ADSS2: variants seen among roughly 807,000 people sequenced by gnomAD.
The protein encoded by ADSS2 is adenylosuccinate synthetase isozyme 2.
ADSS2 carries 30 observed loss-of-function variants against 60.0 expected under a neutral mutation model. The ratio of observed to expected loss-of-function variants is 0.50; its 90% confidence interval spans 0.37 to 0.68. ADSS2 has a LOEUF of 0.68. Among genes scored for constraint, ADSS2 ranks in the 30% least tolerant of loss-of-function variants. ADSS2 has a pLI of 0.00. For missense variants in ADSS2, 373 were observed against 554.8 expected (o/e 0.67, Z 3.29); for synonymous variants, 187 against 193.1 (o/e 0.97, Z 0.26).
chr1:244,439,000 T>C (rs535277866), intron 1 of ADSS2, among the ~76,000 whole-genome samples: 5 of 152,280 alleles, frequency 3.3e-5, no homozygotes, highest in African/African-American at 1.2e-4. Context: ...CTAACTATAT[T>C]TGTATACCCA....
At position 244,419,063 on chromosome 1, in the gene ADSS2, C is replaced by T. The variant is rs997483571; in HGVS notation, c.791-149G>A. 68 of 740,982 alleles carry T rather than the reference C, an allele frequency of 9.2e-5. No individual in the cohort carries two copies. In the Middle Eastern group the frequency reaches 1.2e-3, roughly 13 times the overall value. 45.9% of individuals were successfully genotyped at this position (740,982 alleles called of 1,614,324 possible). A position where few individuals can be genotyped will look rare whatever the true frequency, so the allele number is the denominator to read the frequency against. ...GCCCTCTCAAAGACTCAGTGTTTTA[C>T]TTTTTATTCATTTTAGCTGTAATGA... On this transcript the variant is annotated intron_variant, in intron 8 of 12. Coordinates refer to ENST00000366535, the MANE Select transcript of ADSS2 (RefSeq NM_001126.5).
chr1:244,414,422 C>T (rs1572128500), intron 11 of ADSS2, among the ~76,000 whole-genome samples: 1 of 152,202 alleles, frequency 6.6e-6, no homozygotes, highest in Non-Finnish European at 1.5e-5. Flanking sequence ...AAAAATTCAC[C>T]AGTGGGTTTA....
chr1:244,435,194 A>AAAAAAC lies in ADSS2; in HGVS notation c.355+1630_355+1631insGTTTTT, dbSNP rs1553308065. Among the ~76,000 whole-genome samples the AAAAAAC allele has an allele frequency of 2.0e-4, 25 of 127,900 alleles. 1 individual carries two copies. The highest frequency in any genetic ancestry group is 7.4e-4 in the African/African-American group (23 of 31,132). The allele number at this position is 127,900 out of a possible 152,430, so 83.9% of individuals were successfully genotyped here. ...AAAAAAAAAAAAAAAAAAAAAAAAAAAAACAAACCTGAACATACTATAACA... is the reference window on the plus strand; with the variant it reads ...AAAAAAAAAAAAAAAAAAAAAAAAAAAAAAACAAACAAACCTGAACATACTATAACA... On this transcript the variant is annotated intron_variant, in intron 3 of 12. Coordinates refer to ENST00000366535, the MANE Select transcript of ADSS2 (RefSeq NM_001126.5).
chr1:244,430,366 G>A (rs1311098485), intron 4 of ADSS2, among the ~76,000 whole-genome samples: 1 of 152,082 alleles, frequency 6.6e-6, no homozygotes, highest in Non-Finnish European at 1.5e-5. Flanking sequence ...ACAGGAACAG[G>A]GATATGTCTC....
chr1:244,414,153 C>T (rs1019347562), intron 11 of ADSS2, among the ~76,000 whole-genome samples: 1 of 148,900 alleles, frequency 6.7e-6, no homozygotes, highest in Non-Finnish European at 1.5e-5. Flanking sequence ...ATAACAGAAT[C>T]TGAGTCTCTT....
At chr1:244,438,092 G>A (rs1431501990) in intron 1 of ADSS2, among the ~76,000 whole-genome samples, 2 of 152,098 alleles carry the variant, frequency 1.3e-5, no homozygotes, top group East Asian at 3.8e-4. Flanking sequence ...TTTGGCTATG[G>A]AGGATTATGG....
In ADSS2 at chr1:244,451,192, G is replaced by A. The variant is rs977688007; in HGVS notation, c.183+443C>T. ...ACTCCCACTCCGCCGCCCTGGGCGG[G>A]GCGGGGGGGCGGTGATGGGGGGTTC... On this transcript the variant is annotated intron_variant, in intron 1 of 12. Transcript: ENST00000366535. This position sits in a 1 kb window ranked among gnomAD's most constrained non-coding sequence, Gnocchi z 6.6. 1.3e-5 allele frequency among the ~76,000 whole-genome samples: 2 copies of A among 152,146 alleles called. No individual in the cohort carries two copies. The highest frequency in any genetic ancestry group is 1.3e-4 in the Admixed American group (2 of 15,282).
chr1:244,424,160 GT>G (rs761649478), intron 5 of ADSS2, 100 bp from the exon 6 acceptor site: 1,504 of 1,203,346 alleles, frequency 1.2e-3, no homozygotes, highest in Non-Finnish European at 1.6e-3. Context: ...ACTATTTTCT[GT>G]TTATGTTATT....
intron 1 of ADSS2, among the ~76,000 whole-genome samples, chr1:244,439,599 G>C (rs1265336244): frequency 2.0e-5 from 3 of 152,072 alleles, no homozygotes; most frequent in African/African-American, 7.2e-5. Flanking sequence ...GCTGCATGCT[G>C]TGCTGCCTGC....
chr1:244,412,520 G>A (rs1208831195), intron 11 of ADSS2, among the ~76,000 whole-genome samples: 1 of 152,172 alleles, frequency 6.6e-6, no homozygotes, highest in African/African-American at 2.4e-5. Context: ...ACTGAGATTC[G>A]AGCACGGTGG....
rs765386619 is a variant in ADSS2, at chr1:244,451,799, A to C, written c.19T>G (p.Tyr7Asp). The C allele has an allele frequency of 2.4e-5, 38 of 1,592,516 alleles. No individual in the cohort carries two copies. Among genetic ancestry groups the C allele is most frequent in the Middle Eastern group, 3.9e-4 (2 of 5,090 alleles). MAFAET[Y>D]PAASSLPNGD... ...TTGGGCAGGGAGGATGCCGCCGGGT[A>C]GGTCTCGGCGAACGCCATGGCTCCA... Residue 7 changes from tyrosine (Y) to aspartate (D), a missense_variant, in exon 1 of 13, where the codon TAC (tyrosine) becomes GAC (aspartate). Transcript: ENST00000366535. The surrounding 1 kb of genome is among the most constrained non-coding windows in gnomAD (Gnocchi z 6.6).
At chr1:244,450,163 T>C (rs1665500101) in intron 1 of ADSS2, among the ~76,000 whole-genome samples, 2 of 152,218 alleles carry the variant, frequency 1.3e-5, no homozygotes, top group Admixed American at 1.3e-4. Flanking sequence ...CCCCACAGCA[T>C]GACCAGATCT....
chr1:244,415,969 A>C lies in ADSS2; in HGVS notation c.1168+12T>G. 2 of 1,578,010 alleles carry C rather than the reference A, an allele frequency of 1.3e-6. No individual in the cohort carries two copies. The highest frequency in any genetic ancestry group is 1.7e-6 in the Non-Finnish European group (2 of 1,149,020). ...TTATAATATCCTTTAGATATTGCCT[A>C]AAAGAAAATACCTGGGATATGAGGT... On this transcript the variant is annotated intron_variant, in intron 11 of 12. Coordinates refer to ENST00000366535, the MANE Select transcript of ADSS2 (RefSeq NM_001126.5).
At chr1:244,420,470 G>C (rs1218405752) in intron 7 of ADSS2, among the ~76,000 whole-genome samples, 174 bp from the exon 8 acceptor site, 1 of 137,358 alleles carries the variant, frequency 7.3e-6, no homozygotes, top group African/African-American at 2.8e-5. Flanking sequence ...CATGTCTCAT[G>C]CTGATTTTCC....
chr1:244,424,081 A>C, intron 5 of ADSS2, 21 bp from the exon 6 acceptor site: 1 of 1,594,458 alleles, frequency 6.3e-7, no homozygotes, highest in South Asian at 1.1e-5. Flanking sequence ...AATCCAAACA[A>C]GCTTTAAGTC....
intron 7 of ADSS2, 25 bp downstream of exon 7, chr1:244,422,810 C>T (rs1437640477): frequency 2.6e-6 from 4 of 1,532,358 alleles, no homozygotes; most frequent in Non-Finnish European, 2.7e-6. Flanking sequence ...TTAAAAAGAA[C>T]ATTAAAGATG....
chr1:244,416,177 C>T (rs1175338350), intron 10 of ADSS2, 99 bp from the exon 11 acceptor site: 5 of 786,852 alleles, frequency 6.4e-6, no homozygotes, highest in Non-Finnish European at 1.0e-5. Flanking sequence ...TCATGCAAAG[C>T]TTAAAGTTCT....
intron 1 of ADSS2, among the ~76,000 whole-genome samples, chr1:244,439,349 A>G (rs999560640): frequency 6.6e-6 from 1 of 152,176 alleles, no homozygotes; most frequent in Admixed American, 6.5e-5. Context: ...TTCAAGGCTC[A>G]TGGGCTTTTT....
At chr1:244,409,893 G>C (rs555234374) in intron 12 of ADSS2, among the ~76,000 whole-genome samples, 2 of 152,108 alleles carry the variant, frequency 1.3e-5, no homozygotes, top group Non-Finnish European at 2.9e-5. Context: ...TAATGACTTA[G>C]GATAGTAAAA....
Sources: gnomAD v4.1 joint callset for allele counts (sites outside exome capture counted in the v4.1 genomes callset) on GRCh38, gnomAD v4.1.1 for gene constraint, Gnocchi (gnomAD v3.1) non-coding constraint, MANE v1.5 for transcripts, NCBI Gene and HGNC (gene_info 2026-07-23, HGNC 2026-07-21) for gene names.